The following KLHL1 variants were observed in gnomAD, a reference collection of about 807,000 sequenced individuals.
KLHL1 encodes the protein kelch-like protein 1.
A neutral mutation model predicts 77.7 loss-of-function variants in KLHL1; 47 were observed. The observed-to-expected ratio is 0.60, with a 90% CI of 0.48 to 0.77. The LOEUF (loss-of-function observed/expected upper bound fraction) is 0.77. Ranked by LOEUF, KLHL1 falls within the 30% of genes least tolerant of loss-of-function variation. The pLI is 0.00. For missense variants in KLHL1, 925 were observed against 910.8 expected, an observed-to-expected ratio of 1.02 and a Z score of -0.20; for synonymous variants, 360 against 325.2, an observed-to-expected ratio of 1.11 and a Z score of -1.15.
rs1409413338 is a variant in KLHL1, at chr13:69,975,742, T to A, written c.558A>T (p.Glu186Asp). 2 of 1,613,456 alleles carry A rather than the reference T, an allele frequency of 1.2e-6. No individual in the cohort carries two copies. Among genetic ancestry groups the A allele is most frequent in the African/African-American group, 1.3e-5 (1 of 74,848 alleles). ...CATGATGAACAGCTTGATAGAATTC[T>A]TCAGAGCTACTGGAGTCCAAATCAC... ...PQSDLDSSSS[E>D]EFYQAVHHAE... Residue 186 changes from glutamate to aspartate, a missense_variant, in exon 2 of 11, where the codon GAA becomes GAT. Glu to Asp is a conservative substitution (Grantham distance 45, BLOSUM62 2). Coordinates refer to ENST00000377844, the MANE Select transcript of KLHL1 (RefSeq NM_020866.3).
intron 6 of KLHL1, among the ~76,000 whole-genome samples, chr13:69,829,439 G>A (rs142493660): frequency 1.1e-4 from 17 of 150,084 alleles, no homozygotes; most frequent in African/African-American, 4.0e-4. Context: ...TAATCTGAAC[G>A]CAGCCCTTAA....
intron 8 of KLHL1, among the ~76,000 whole-genome samples, chr13:69,736,092 A>G (rs928507677): frequency 1.3e-5 from 2 of 152,174 alleles, no homozygotes; most frequent in Non-Finnish European, 2.9e-5. Flanking sequence ...TCAGCAGAAT[A>G]AACAGACAAC....
At chr13:69,759,175 A>G (rs1408015067) in intron 7 of KLHL1, among the ~76,000 whole-genome samples, 1 of 152,144 alleles carries the variant, frequency 6.6e-6, no homozygotes, top group Non-Finnish European at 1.5e-5. Context: ...CAAGGCACAG[A>G]GTACATGTTC....
chr13:69,796,594 T>G (rs1877116393), intron 7 of KLHL1, 144 bp downstream of exon 7: 5 of 661,986 alleles, frequency 7.6e-6, no homozygotes, highest in Admixed American at 3.1e-5. Flanking sequence ...GCCAAGAAAT[T>G]TTTCTATGTT....
At chr13:69,817,261 G>T (rs765774401) in intron 6 of KLHL1, among the ~76,000 whole-genome samples, 9 of 152,222 alleles carry the variant, frequency 5.9e-5, no homozygotes, top group Non-Finnish European at 1.2e-4. Context: ...TGGAATGAAA[G>T]AAAAAGATGG....
At chr13:69,866,333 A>G (rs1031842236) in intron 5 of KLHL1, among the ~76,000 whole-genome samples, 2 of 152,132 alleles carry the variant, frequency 1.3e-5, no homozygotes, top group Admixed American at 6.6e-5. Context: ...AGCCAATTTT[A>G]TGATAGACAA....
chr13:69,731,433 C>A lies in KLHL1; in HGVS notation c.1802+8961G>T, dbSNP rs1418715087. 3.3e-5 allele frequency among the ~76,000 whole-genome samples: 5 copies of A among 152,148 alleles called. No homozygotes were observed. In the East Asian group the frequency reaches 9.7e-4, roughly 29 times the overall value. On this transcript the variant is annotated intron_variant, in intron 8 of 10. Transcript: ENST00000377844. ...ACCATTTTTTATGCAAGCAGCCCAT[C>A]ACTATAGGCTGTGTATGATTTTAAC...
intron 1 of KLHL1, among the ~76,000 whole-genome samples, chr13:70,087,233 G>C (rs1887565023): frequency 6.6e-6 from 1 of 152,142 alleles, no homozygotes. Flanking sequence ...TTTGTCAACT[G>C]TGTGAATGTT....
In KLHL1 at chr13:69,895,138, G is replaced by T. The variant is rs1266474918; in HGVS notation, c.1015-12643C>A. On this transcript the variant is annotated intron_variant, in intron 4 of 10. Coordinates refer to ENST00000377844, the MANE Select transcript of KLHL1 (RefSeq NM_020866.3). ...GTTTCATTTGTTCCTTATATATAATGAATTCTTCCTCCATGAGAAGGTAGT... is the reference window on the plus strand; with the variant it reads ...GTTTCATTTGTTCCTTATATATAATTAATTCTTCCTCCATGAGAAGGTAGT... 1.3e-5 allele frequency: 6 copies of T among 464,878 alleles called. No individual in the cohort carries two copies. The East Asian group carries it at 2.2e-4, about 17-fold the overall frequency. The allele number at this position is 464,878 out of a possible 1,614,324, so 28.8% of individuals were successfully genotyped here.
At chr13:69,811,101 C>T (rs1419429758) in intron 6 of KLHL1, among the ~76,000 whole-genome samples, 1 of 151,880 alleles carries the variant, frequency 6.6e-6, no homozygotes, top group East Asian at 1.9e-4. Context: ...GGAGGGGGGC[C>T]TCCTCCCTAA....
chr13:69,708,127 C>T (rs910553122), intron 9 of KLHL1, among the ~76,000 whole-genome samples: 6 of 151,790 alleles, frequency 4.0e-5, no homozygotes, highest in Admixed American at 2.0e-4. Context: ...CACATGTATG[C>T]AGACTCCTAT....
At chr13:69,745,922 A>G (rs1874195020) in intron 7 of KLHL1, among the ~76,000 whole-genome samples, 1 of 151,706 alleles carries the variant, frequency 6.6e-6, no homozygotes, top group Non-Finnish European at 1.5e-5. Context: ...TAGATAATTA[A>G]TATCTTTACA....
chr13:69,991,496 C>T (rs926544895), intron 1 of KLHL1, among the ~76,000 whole-genome samples: 14 of 151,932 alleles, frequency 9.2e-5, no homozygotes, highest in African/African-American at 1.2e-4. Context: ...ACACAAGAGA[C>T]GTTACCACTG....
intron 1 of KLHL1, among the ~76,000 whole-genome samples, chr13:70,095,175 C>T (rs530306123): frequency 1.9e-4 from 29 of 152,180 alleles, no homozygotes; most frequent in African/African-American, 6.3e-4. Flanking sequence ...GGTTATAGAT[C>T]TAAGTGAAAT....
At chr13:69,985,910 T>TTA (rs59514285) in intron 1 of KLHL1, among the ~76,000 whole-genome samples, 22,301 of 146,592 alleles carry the variant, frequency 0.15, 3,591 homozygotes, top group African/African-American at 0.41. Flanking sequence ...TATATGTAAG[T>TTA]TATATATATA....
In KLHL1 at chr13:69,701,582, A is replaced by G; in HGVS notation, c.*120T>C. 1.5e-6 allele frequency: 1 copy of G among 681,048 alleles called. No homozygotes were observed. Among genetic ancestry groups the G allele is most frequent in the South Asian group, 1.8e-5 (1 of 55,806 alleles). 42.2% of individuals were successfully genotyped at this position (681,048 alleles called of 1,614,324 possible). On this transcript the variant is annotated 3_prime_UTR_variant, in exon 11 of 11. Transcript: ENST00000377844. Reference sequence around the variant, plus strand: ...ACTAACTCTTTCAACATCAGTAGGTAACGCTACAGAGATCCTTGTTCTTGA... The same window carrying G: ...ACTAACTCTTTCAACATCAGTAGGTGACGCTACAGAGATCCTTGTTCTTGA...
At chr13:70,032,738 T>G (rs1433101280) in intron 1 of KLHL1, among the ~76,000 whole-genome samples, 8 of 152,190 alleles carry the variant, frequency 5.3e-5, no homozygotes, top group African/African-American at 1.9e-4. Context: ...ATCAAATGTA[T>G]GCATGCAAAA....
At chr13:70,072,927 A>G (rs1461194546) in intron 1 of KLHL1, among the ~76,000 whole-genome samples, 1 of 152,134 alleles carries the variant, frequency 6.6e-6, no homozygotes, top group African/African-American at 2.4e-5. Flanking sequence ...TTCCTATGCA[A>G]CATCAAACCA....
chr13:69,796,701 T>A (rs750288588), intron 7 of KLHL1, 37 bp downstream of exon 7: 13 of 1,374,938 alleles, frequency 9.5e-6, no homozygotes. Context: ...ATCAATAACA[T>A]GTTTCTAAAA....
Sources: allele counts gnomAD v4.1 joint callset (sites outside exome capture counted in the v4.1 genomes callset), GRCh38; gene constraint gnomAD v4.1.1; transcripts MANE v1.5; gene names NCBI Gene and HGNC (gene_info 2026-07-23, HGNC 2026-07-21).